Variants in C8A observed in about 807,000 individuals in gnomAD.
C8A encodes complement C8 alpha chain.
C8A carries 67 observed loss-of-function variants against 65.3 expected under a neutral mutation model. The ratio of observed to expected loss-of-function variants is 1.03; its 90% CI spans 0.84 to 1.26. The LOEUF (loss-of-function observed/expected upper bound fraction) is 1.26. Among genes scored for constraint, C8A ranks in the 50% most tolerant of loss-of-function variants. The probability of loss-of-function intolerance (pLI) is 0.00; values close to 1 mark genes in which losing one functional copy is unlikely to be tolerated. For synonymous variants in C8A, 290 were observed against 259.4 expected, an observed-to-expected ratio of 1.12 and a Z score of -1.13; for missense variants, 781 against 723.9, an observed-to-expected ratio of 1.08 and a Z score of -0.90.
chr1:56,889,172 T>G (rs1366660348), intron 7 of C8A, among the ~76,000 whole-genome samples: 1 of 152,142 alleles, frequency 6.6e-6, no homozygotes, highest in African/African-American at 2.4e-5. Flanking sequence ...AATAGCACAA[T>G]TTGCTATTTG....
At chr1:56,889,766 C>T (rs575625983) in intron 7 of C8A, among the ~76,000 whole-genome samples, 1 of 152,140 alleles carries the variant, frequency 6.6e-6, no homozygotes, top group Non-Finnish European at 1.5e-5. Flanking sequence ...TGGGTTCGTT[C>T]CAGAGGATGC....
In C8A at chr1:56,874,943, G is replaced by A. The variant is rs745908825; in HGVS notation, c.172-6G>A. On this transcript the variant is annotated splice_polypyrimidine_tract_variant and splice_region_variant and intron_variant, in intron 2 of 10. Transcript: ENST00000361249. Reference sequence around the variant, plus strand: ...AAGAATGTGTCTTGTTCAAAATCTGGTTTAGTACCGACACCGGAGCCTCTT... The same window carrying A: ...AAGAATGTGTCTTGTTCAAAATCTGATTTAGTACCGACACCGGAGCCTCTT... 9.3e-6 allele frequency: 15 copies of A among 1,613,346 alleles called. No individual in the cohort carries two copies. The highest frequency in any genetic ancestry group is 1.3e-5 in the African/African-American group (1 of 74,888).
intron 1 of C8A, among the ~76,000 whole-genome samples, chr1:56,866,553 C>T (rs1319483586): frequency 1.3e-5 from 2 of 152,212 alleles, no homozygotes; most frequent in Admixed American, 6.5e-5. Context: ...AAATTCATTA[C>T]ATCATTAGCA....
chr1:56,891,761 G>C (rs1361452446), intron 7 of C8A, among the ~76,000 whole-genome samples: 1 of 152,118 alleles, frequency 6.6e-6, no homozygotes, highest in Admixed American at 6.5e-5. Context: ...AGAAGGACAG[G>C]ATGTGTTTGC....
At chr1:56,907,469 T>C (rs964775471) in intron 8 of C8A, among the ~76,000 whole-genome samples, 1 of 152,184 alleles carries the variant, frequency 6.6e-6, no homozygotes, top group African/African-American at 2.4e-5. Flanking sequence ...CTGGCAAATA[T>C]TCACTAACCT....
intron 7 of C8A, among the ~76,000 whole-genome samples, chr1:56,900,980 G>A (rs1557712536): frequency 6.6e-6 from 1 of 152,212 alleles, no homozygotes; most frequent in South Asian, 2.1e-4. Context: ...CTGGAGCTCA[G>A]TGGGAGAAGC....
rs12565795 is a variant in C8A at position 56,873,212 on chromosome 1, A to G, written c.172-1737A>G. On this transcript the variant is annotated intron_variant, in intron 2 of 10. Transcript: ENST00000361249. ...AGCTGCACTGCTCCACAACTCACCC[A>G]TGGAATCACCTGGAAATACTGCACG... Among the ~76,000 whole-genome samples, 141 of 152,342 alleles carry G rather than the reference A, an allele frequency of 9.3e-4. 1 individual carries two copies. The East Asian group carries it at 0.017, about 19-fold the overall frequency.
At chr1:56,862,743 G>T (rs148368668) in intron 1 of C8A, among the ~76,000 whole-genome samples, 2 of 152,076 alleles carry the variant, frequency 1.3e-5, no homozygotes, top group African/African-American at 4.8e-5. Flanking sequence ...CCTATGCTCC[G>T]TATTAAATGT....
intron 4 of C8A, among the ~76,000 whole-genome samples, chr1:56,877,819 C>G (rs1033887699): frequency 1.3e-5 from 2 of 152,146 alleles, no homozygotes; most frequent in Non-Finnish European, 2.9e-5. Flanking sequence ...TGAAATGCAG[C>G]CCTCATTCAT....
intron 7 of C8A, among the ~76,000 whole-genome samples, chr1:56,891,678 C>T (rs752944720): frequency 3.9e-5 from 6 of 151,964 alleles, no homozygotes; most frequent in African/African-American, 4.8e-5. Context: ...TCAATTACTC[C>T]TTTCTCTAAA....
chr1:56,906,490 T>C (rs567252216), intron 7 of C8A, among the ~76,000 whole-genome samples, 177 bp from the exon 8 acceptor site: 1 of 150,378 alleles, frequency 6.6e-6, no homozygotes, highest in Non-Finnish European at 1.5e-5. Context: ...TCAAGAATTA[T>C]TTTGGTTGGA....
intron 1 of C8A, among the ~76,000 whole-genome samples, chr1:56,855,224 G>A (rs986588441): frequency 1.3e-5 from 2 of 152,084 alleles, no homozygotes; most frequent in African/African-American, 2.4e-5. Flanking sequence ...TCATCTCATC[G>A]GTTTGATCCT....
chr1:56,880,831 A>G (rs143689083), intron 4 of C8A, among the ~76,000 whole-genome samples: 2 of 152,306 alleles, frequency 1.3e-5, no homozygotes, highest in Non-Finnish European at 2.9e-5. Flanking sequence ...GTAGTATTTA[A>G]GAACTGCTTT....
intron 7 of C8A, among the ~76,000 whole-genome samples, chr1:56,891,261 A>G (rs1296457898): frequency 6.6e-6 from 1 of 152,114 alleles, no homozygotes; most frequent in African/African-American, 2.4e-5. Flanking sequence ...GCCCTGTCTG[A>G]GGAAAGAGCA....
intron 6 of C8A, among the ~76,000 whole-genome samples, chr1:56,885,301 T>C (rs968310904): frequency 1.6e-4 from 21 of 129,608 alleles, no homozygotes; most frequent in Non-Finnish European, 1.7e-4. Context: ...TATATATTTA[T>C]ATATATTTAC....
intron 7 of C8A, among the ~76,000 whole-genome samples, chr1:56,896,588 G>T (rs1644389031): frequency 6.6e-6 from 1 of 152,130 alleles, no homozygotes; most frequent in South Asian, 2.1e-4. Context: ...ATTAGAAAGG[G>T]CAGTTTACTT....
chr1:56,887,226 G>A (rs1644306906), intron 7 of C8A, among the ~76,000 whole-genome samples: 4 of 152,096 alleles, frequency 2.6e-5, no homozygotes, highest in Admixed American at 2.6e-4. Context: ...TCCAGTAATG[G>A]GATTGCTGGG....
intron 7 of C8A, among the ~76,000 whole-genome samples, chr1:56,900,260 G>C (rs1351133638): frequency 6.6e-6 from 1 of 152,206 alleles, no homozygotes; most frequent in Non-Finnish European, 1.5e-5. Context: ...CATTGTGTTT[G>C]AGTATGGCAT....
intron 1 of C8A, among the ~76,000 whole-genome samples, chr1:56,867,363 T>C (rs996191925): frequency 1.3e-5 from 2 of 152,206 alleles, no homozygotes; most frequent in Non-Finnish European, 2.9e-5. Flanking sequence ...TATTCTTCTC[T>C]CTAAAATTAT....
Sources: allele counts gnomAD v4.1 joint callset (sites outside exome capture counted in the v4.1 genomes callset), GRCh38; gene constraint gnomAD v4.1.1; transcripts MANE v1.5; gene names NCBI Gene and HGNC (gene_info 2026-07-23, HGNC 2026-07-21).